ZNF148: variants seen among roughly 807,000 people sequenced by gnomAD.
ZNF148 encodes zinc finger protein 148.
A neutral mutation model predicts 67.7 loss-of-function variants in ZNF148; 7 were observed. The observed-to-expected ratio is 0.10, with a 90% confidence interval of 0.06 to 0.19. ZNF148 has a LOEUF of 0.19. Among genes scored for constraint, ZNF148 ranks in the 10% least tolerant of loss-of-function variants. ZNF148 has a pLI of 1.00. For synonymous variants in ZNF148, 333 were observed against 330.7 expected, an observed-to-expected ratio of 1.01 and a Z score of -0.08; for missense variants, 583 against 947.1, an observed-to-expected ratio of 0.62 and a Z score of 5.05.
intron 7 of ZNF148, among the ~76,000 whole-genome samples, chr3:125,242,962 C>T (rs80348499): frequency 0.048 from 7,353 of 152,308 alleles, 252 homozygotes; most frequent in Non-Finnish European, 0.074. Context: ...TTCCTCATTG[C>T]TTTTTCTGCA....
At chr3:125,234,600 T>C (rs1036230307) in intron 7 of ZNF148, among the ~76,000 whole-genome samples, 1 of 152,238 alleles carries the variant, frequency 6.6e-6, no homozygotes, top group Non-Finnish European at 1.5e-5. Context: ...CAGGAATTTA[T>C]AGCAATATGA....
rs577057847 is a variant in ZNF148 at position 125,325,094 on chromosome 3, G to A, written c.-152-1650C>T. ...ATACATATGTTAAATATGTTAAAAG[G>A]AACTCATGTTTTAAAGTTTTTTAAT... On this transcript the variant is annotated intron_variant, in intron 2 of 8. Coordinates refer to ENST00000360647, the MANE Select transcript of ZNF148 (RefSeq NM_021964.3). Among the ~76,000 whole-genome samples the A allele has an allele frequency of 1.5e-4, 23 of 152,092 alleles. No individual in the cohort carries two copies. In the South Asian group the frequency reaches 4.8e-3, roughly 32 times the overall value.
chr3:125,291,664 G>A (rs1306415726), intron 4 of ZNF148, among the ~76,000 whole-genome samples: 1 of 152,036 alleles, frequency 6.6e-6, no homozygotes, highest in Non-Finnish European at 1.5e-5. Flanking sequence ...AAAGCACACT[G>A]AAATTTCCCC....
intron 1 of ZNF148, among the ~76,000 whole-genome samples, chr3:125,351,618 AC>A (rs1238646791): frequency 6.6e-6 from 1 of 152,148 alleles, no homozygotes; most frequent in Non-Finnish European, 1.5e-5. Context: ...AGTGAAAACA[AC>A]CCACAGAATT....
chr3:125,270,720 A>G lies in ZNF148; in HGVS notation c.667+7006T>C, dbSNP rs78232302. Among the ~76,000 whole-genome samples, 37 of 152,286 alleles carry G rather than the reference A, an allele frequency of 2.4e-4. No individual in the cohort carries two copies. In the East Asian group the frequency reaches 6.6e-3, roughly 27 times the overall value. On this transcript the variant is annotated intron_variant, in intron 7 of 8. Transcript: ENST00000360647. ...GAAAAATAAGAAACTACTGTGAAAA[A>G]TAACTTTAGCCAGGCATGCTGGTGC...
At chr3:125,285,232 G>A (rs949879754) in intron 5 of ZNF148, among the ~76,000 whole-genome samples, 2 of 152,104 alleles carry the variant, frequency 1.3e-5, no homozygotes, top group African/African-American at 2.4e-5. Flanking sequence ...ATTCTTTGAG[G>A]AACTTAAAAT....
Position 125,228,826 on chromosome 3 carries a change from A to C in ZNF148, c.*3515T>G, listed in dbSNP as rs896270015. ...TAGGTACATCCTTATTTGATGAACC[A>C]TATTTACAGCATGGTATTGCATAAA... is the stretch of plus-strand genomic sequence containing the variant. On this transcript the variant is annotated 3_prime_UTR_variant, in exon 9 of 9. Coordinates refer to ENST00000360647, the MANE Select transcript of ZNF148 (RefSeq NM_021964.3). 6.6e-6 allele frequency: 1 copy of C among 152,638 alleles called. No homozygotes were observed. Among genetic ancestry groups the C allele is most frequent in the Non-Finnish European group, 1.5e-5 (1 of 68,020 alleles). The allele number at this position is 152,638 out of a possible 1,614,324, so 9.5% of individuals were successfully genotyped here.
rs1441180918 is a variant in ZNF148 at position 125,372,658 on chromosome 3, C to A, written c.-234+2444G>T. ...TGCTGTTTTTCATTGTAAGTTCCCT[C>A]AGAACAATTTTATAATAAAAGAGTA... On this transcript the variant is annotated intron_variant, in intron 1 of 8. Coordinates refer to ENST00000360647, the MANE Select transcript of ZNF148 (RefSeq NM_021964.3). Among the ~76,000 whole-genome samples, 6 of 152,272 alleles carry A rather than the reference C, an allele frequency of 3.9e-5. No individual in the cohort carries two copies. The East Asian group carries it at 7.7e-4, about 20-fold the overall frequency.
intron 4 of ZNF148, among the ~76,000 whole-genome samples, chr3:125,295,554 T>C (rs1356257845): frequency 6.6e-6 from 1 of 151,976 alleles, no homozygotes; most frequent in Non-Finnish European, 1.5e-5. Flanking sequence ...TGAACTTGGC[T>C]TCCAGAAGTA....
Position 125,233,952 on chromosome 3 carries a change from G to A in ZNF148, c.787-13C>T, listed in dbSNP as rs776994475. 1 of 1,571,324 alleles carries A rather than the reference G, an allele frequency of 6.4e-7. No homozygotes were observed. The stretch of plus-strand genomic sequence containing the variant: ...TTCTGGAAAAATACTGTTGAATTCA[G>A]AGGATGGTAGTGGGTTGTTTGTGGT... On this transcript the variant is annotated splice_polypyrimidine_tract_variant and intron_variant, in intron 8 of 8. Transcript: ENST00000360647. This position sits in a 1 kb window ranked among gnomAD's most constrained non-coding sequence, Gnocchi z 5.1.
At chr3:125,302,557 C>A (rs1233551976) in intron 4 of ZNF148, among the ~76,000 whole-genome samples, 1 of 152,108 alleles carries the variant, frequency 6.6e-6, no homozygotes. Flanking sequence ...AAATTCTGCC[C>A]ATCTGGTATA....
At chr3:125,364,361 T>G (rs1942638338) in intron 1 of ZNF148, among the ~76,000 whole-genome samples, 1 of 151,996 alleles carries the variant, frequency 6.6e-6, no homozygotes, top group African/African-American at 2.4e-5. Context: ...ATCGCACCAC[T>G]CCAGCCTGGG....
At chr3:125,305,612 G>A (rs770383687) in intron 4 of ZNF148, among the ~76,000 whole-genome samples, 1 of 152,002 alleles carries the variant, frequency 6.6e-6, no homozygotes, top group African/African-American at 2.4e-5. Context: ...AGGAGTGTGA[G>A]ACTAGCCTGG....
intron 1 of ZNF148, among the ~76,000 whole-genome samples, chr3:125,335,473 A>G (rs1941453555): frequency 6.6e-6 from 1 of 152,200 alleles, no homozygotes; most frequent in Non-Finnish European, 1.5e-5. Flanking sequence ...TACCTTACCT[A>G]GAATTTCCAG....
At chr3:125,360,729 A>C (rs1942509015) in intron 1 of ZNF148, among the ~76,000 whole-genome samples, 1 of 151,912 alleles carries the variant, frequency 6.6e-6, no homozygotes, top group South Asian at 2.1e-4. Flanking sequence ...TTTTATAAAC[A>C]AACTGTTGGG....
At chr3:125,336,544 C>A (rs1941500016) in intron 1 of ZNF148, among the ~76,000 whole-genome samples, 1 of 152,026 alleles carries the variant, frequency 6.6e-6, no homozygotes, top group African/African-American at 2.4e-5. Context: ...TATTAAGATT[C>A]CCTCTAAGGA....
In ZNF148 at chr3:125,314,720, T is replaced by C. The variant is rs188828041; in HGVS notation, c.-16-1064A>G. On this transcript the variant is annotated intron_variant, in intron 3 of 8. Coordinates refer to ENST00000360647, the MANE Select transcript of ZNF148 (RefSeq NM_021964.3). ...ATACAGTATATCTGTACAAAACATC[T>C]GATTTCACTTTTCAAAATCTTTAGG... is the stretch of plus-strand genomic sequence containing the variant. Among the ~76,000 whole-genome samples, 134 of 152,324 alleles carry C rather than the reference T, an allele frequency of 8.8e-4. 1 individual carries two copies. The highest frequency in any genetic ancestry group is 3.2e-3 in the African/African-American group (131 of 41,578).
At chr3:125,263,697 C>G (rs530526141) in intron 7 of ZNF148, among the ~76,000 whole-genome samples, 9 of 152,280 alleles carry the variant, frequency 5.9e-5, no homozygotes, top group South Asian at 2.1e-4. Flanking sequence ...CCTGACAGAG[C>G]TCCTAAAATC....
At chr3:125,369,261 C>CAAAAAAAAA (rs71148178) in intron 1 of ZNF148, among the ~76,000 whole-genome samples, 1 of 12,888 alleles carries the variant, frequency 7.8e-5, no homozygotes, top group Non-Finnish European at 1.2e-4. Context: ...GATCCTGCCT[C>CAAAAAAAAA]AAAAAAAAAA....
Sources: gnomAD v4.1 joint callset for allele counts (sites outside exome capture counted in the v4.1 genomes callset) on GRCh38, gnomAD v4.1.1 for gene constraint, Gnocchi (gnomAD v3.1) non-coding constraint, MANE v1.5 for transcripts, NCBI Gene and HGNC (gene_info 2026-07-23, HGNC 2026-07-21) for gene names.